The following CADPS2 variants were observed in gnomAD, a reference collection of about 807,000 sequenced individuals.
The protein encoded by CADPS2 is calcium-dependent secretion activator 2.
CADPS2 carries 93 observed loss-of-function variants against 172.5 expected under a neutral mutation model. The observed-to-expected ratio is 0.54, with a 90% CI of 0.46 to 0.64. The LOEUF (loss-of-function observed/expected upper bound fraction) is 0.64. CADPS2 is among the 30% of genes least tolerant of loss of function. The pLI, the probability that CADPS2 is intolerant of heterozygous loss-of-function variation, is 0.00. For synonymous variants in CADPS2, 546 were observed against 555.2 expected, an observed-to-expected ratio of 0.98 and a Z score of 0.23; for missense variants, 1,420 against 1,565.9, an observed-to-expected ratio of 0.91 and a Z score of 1.57.
At chr7:122,752,577 T>C (rs1257747842) in intron 1 of CADPS2, among the ~76,000 whole-genome samples, 2 of 152,222 alleles carry the variant, frequency 1.3e-5, no homozygotes, top group African/African-American at 2.4e-5. Flanking sequence ...AAATTTTACA[T>C]AACCCAAAGA....
intron 5 of CADPS2, among the ~76,000 whole-genome samples, chr7:122,620,042 T>C (rs1269503725): frequency 1.3e-5 from 2 of 152,184 alleles, no homozygotes; most frequent in African/African-American, 4.8e-5. Flanking sequence ...CAGAGTTAAA[T>C]ATATGGAGAA....
chr7:122,382,402 G>C (rs1405601273), intron 24 of CADPS2: 1 of 152,082 alleles, frequency 6.6e-6, no homozygotes, highest in African/African-American at 2.4e-5. Flanking sequence ...TGTTCATCTG[G>C]GGTGGGTACA....
intron 3 of CADPS2, among the ~76,000 whole-genome samples, chr7:122,659,500 G>C (rs1455271613): frequency 6.6e-6 from 1 of 151,998 alleles, no homozygotes; most frequent in African/African-American, 2.4e-5. Context: ...GGGATAACAT[G>C]GGTAACAGAA....
At chr7:122,508,420 A>C (rs1438797911) in intron 9 of CADPS2, among the ~76,000 whole-genome samples, 1 of 147,004 alleles carries the variant, frequency 6.8e-6, no homozygotes, top group Non-Finnish European at 1.5e-5. Context: ...CTTATAATAT[A>C]GAATCCAGTT....
At chr7:122,738,990 T>C (rs773184212) in intron 1 of CADPS2, among the ~76,000 whole-genome samples, 11 of 151,974 alleles carry the variant, frequency 7.2e-5, no homozygotes, top group Non-Finnish European at 1.6e-4. Context: ...TATATTACAA[T>C]CTCCATTTCT....
intron 28 of CADPS2, among the ~76,000 whole-genome samples, chr7:122,338,563 G>A (rs1234029614): frequency 2.6e-5 from 4 of 152,146 alleles, no homozygotes; most frequent in Non-Finnish European, 2.9e-5. Flanking sequence ...GAAAATCATG[G>A]TTGGACATAC....
chr7:122,557,977 A>T (rs1210125968), intron 7 of CADPS2, among the ~76,000 whole-genome samples: 2 of 152,076 alleles, frequency 1.3e-5, no homozygotes, highest in Non-Finnish European at 2.9e-5. Context: ...AGTTCAGAGA[A>T]CACCAATACC....
chr7:122,732,780 T>C (rs2137588942), intron 2 of CADPS2, among the ~76,000 whole-genome samples: 1 of 143,322 alleles, frequency 7.0e-6, no homozygotes, highest in South Asian at 2.1e-4. Flanking sequence ...ATACATTATG[T>C]ATATAATATA....
intron 17 of CADPS2, among the ~76,000 whole-genome samples, chr7:122,435,719 C>A (rs973809993): frequency 1.7e-4 from 26 of 152,082 alleles, no homozygotes; most frequent in Non-Finnish European, 3.2e-4. Flanking sequence ...TATCTGCTCT[C>A]CCATGTTCAT....
chr7:122,837,276 G>C (rs1808788103), intron 1 of CADPS2, among the ~76,000 whole-genome samples: 1 of 152,180 alleles, frequency 6.6e-6, no homozygotes, highest in Non-Finnish European at 1.5e-5. Flanking sequence ...CACATTTAAA[G>C]CAGTGGGTAG....
chr7:122,532,155 G>A (rs887331187), intron 8 of CADPS2, among the ~76,000 whole-genome samples: 2 of 152,134 alleles, frequency 1.3e-5, no homozygotes, highest in Non-Finnish European at 2.9e-5. Flanking sequence ...TCAATTGGCT[G>A]ATTTTTCTAC....
chr7:122,381,764 G>A (rs981511891), intron 24 of CADPS2, among the ~76,000 whole-genome samples: 1 of 151,990 alleles, frequency 6.6e-6, no homozygotes, highest in African/African-American at 2.4e-5. Context: ...AGATGGGGAG[G>A]GAGGGAGAGA....
intron 6 of CADPS2, among the ~76,000 whole-genome samples, chr7:122,592,797 T>C (rs1488073590): frequency 4.2e-5 from 5 of 119,574 alleles, no homozygotes; most frequent in Non-Finnish European, 8.3e-5. Flanking sequence ...TAAGAATACA[T>C]GGACACAGGG....
chr7:122,689,988 C>T (rs902597377), intron 2 of CADPS2, among the ~76,000 whole-genome samples: 1 of 152,200 alleles, frequency 6.6e-6, no homozygotes, highest in Non-Finnish European at 1.5e-5. Flanking sequence ...GTCCACGAGG[C>T]CTGGACAGTG....
At chr7:122,625,492 T>G (rs1438469084) in intron 4 of CADPS2, among the ~76,000 whole-genome samples, 1 of 152,232 alleles carries the variant, frequency 6.6e-6, no homozygotes, top group Non-Finnish European at 1.5e-5. Flanking sequence ...ATCACCCTCC[T>G]ACATCTGTAG....
intron 14 of CADPS2, among the ~76,000 whole-genome samples, chr7:122,457,797 T>C (rs2053968448): frequency 6.6e-6 from 1 of 152,200 alleles, no homozygotes; most frequent in African/African-American, 2.4e-5. Flanking sequence ...GATAAATGTG[T>C]TTATAATCCC....
At chr7:122,549,146 C>T (rs907358322) in intron 8 of CADPS2, among the ~76,000 whole-genome samples, 4 of 152,036 alleles carry the variant, frequency 2.6e-5, no homozygotes, top group South Asian at 2.1e-4. Flanking sequence ...TCTGTATTTC[C>T]AGCACTGTGG....
intron 6 of CADPS2, among the ~76,000 whole-genome samples, chr7:122,582,693 C>G (rs2069008056): frequency 6.6e-6 from 1 of 152,054 alleles, no homozygotes; most frequent in South Asian, 2.1e-4. Flanking sequence ...ATGTGGTTAA[C>G]AGCCTGGGAG....
chr7:122,562,150 G>A (rs545684214), intron 7 of CADPS2, among the ~76,000 whole-genome samples: 1 of 152,192 alleles, frequency 6.6e-6, no homozygotes, highest in East Asian at 1.9e-4. Flanking sequence ...TAGAATACTG[G>A]CTTCCCAAAG....
Sources: gnomAD v4.1 joint callset for allele counts (sites outside exome capture counted in the v4.1 genomes callset) on GRCh38, gnomAD v4.1.1 for gene constraint, MANE v1.5 for transcripts, NCBI Gene and HGNC (gene_info 2026-07-23, HGNC 2026-07-21) for gene names.